Variants in KPNA3 observed in about 807,000 individuals in gnomAD.
The protein encoded by KPNA3 is karyopherin subunit alpha 3.
KPNA3 carries 13 observed loss-of-function variants against 73.8 expected under a neutral mutation model. That is an observed-to-expected ratio of 0.18 (90% CI 0.11 to 0.28). The LOEUF is 0.28. KPNA3 is among the 10% of genes least tolerant of loss of function. KPNA3 has a pLI of 1.00. For synonymous variants in KPNA3, 186 were observed against 206.9 expected, an observed-to-expected ratio of 0.90 and a Z score of 0.87; for missense variants, 360 against 618.1, an observed-to-expected ratio of 0.58 and a Z score of 4.43.
chr13:49,704,478 TAAATAGAA>T (rs1170053080), intron 15 of KPNA3, among the ~76,000 whole-genome samples: 82 of 88,810 alleles, frequency 9.2e-4, no homozygotes, highest in African/African-American at 4.2e-3. Flanking sequence ...AATAAATAAA[TAAATAGAA>T]AGAAAGAAAT....
chr13:49,766,935 A>C (rs561884326), intron 1 of KPNA3, among the ~76,000 whole-genome samples: 1 of 150,250 alleles, frequency 6.7e-6, no homozygotes, highest in African/African-American at 2.4e-5. Context: ...TCACTTTACA[A>C]ATAACTGAAA....
At chr13:49,730,782 A>C (rs1954460523) in intron 6 of KPNA3, among the ~76,000 whole-genome samples, 1 of 84,736 alleles carries the variant, frequency 1.2e-5, no homozygotes, top group Non-Finnish European at 2.0e-5. Context: ...CCCCCTATTT[A>C]TTCATTTATT....
rs777586412 is a variant in KPNA3 at position 49,706,367 on chromosome 13, T to G, written c.1038A>C (p.Ala346=). 1 of 1,612,954 alleles carries G rather than the reference T, an allele frequency of 6.2e-7. No individual in the cohort carries two copies. The highest frequency in any genetic ancestry group is 8.5e-7 in the Non-Finnish European group (1 of 1,179,102). ...SHPKEKINKE[A]VWFLSNITAG... The stretch of plus-strand genomic sequence containing the variant: ...CTGTTATGTTGGAAAGGAACCACAC[T>G]GCTTCCTATAATTGAACAAAATATA... Residue 346 remains alanine (A), a synonymous_variant, in exon 13 of 17, where the codon GCA becomes GCC. Transcript: ENST00000261667.
At position 49,746,944 on chromosome 13, in the gene KPNA3, C is replaced by T. The variant is rs760179736; in HGVS notation, c.114+5G>A. ...TACTTTTCTTTAAATGTAAATCAAC[C>T]TTACCTTCCGCAGTTCCACTGTCAC... On this transcript the variant is annotated splice_donor_5th_base_variant and intron_variant, in intron 2 of 16. Transcript: ENST00000261667. 2.5e-6 allele frequency: 4 copies of T among 1,602,388 alleles called. No individual in the cohort carries two copies. Among genetic ancestry groups the T allele is most frequent in the East Asian group, 2.2e-5 (1 of 44,840 alleles).
At chr13:49,706,813 A>C (rs1436884627) in intron 12 of KPNA3, among the ~76,000 whole-genome samples, 1 of 151,494 alleles carries the variant, frequency 6.6e-6, no homozygotes, top group Non-Finnish European at 1.5e-5. Context: ...CAGTGGCGTG[A>C]TCTCGGCTCA....
intron 6 of KPNA3, among the ~76,000 whole-genome samples, chr13:49,730,423 G>A (rs1291927693): frequency 6.8e-6 from 1 of 146,182 alleles, no homozygotes; most frequent in Non-Finnish European, 1.5e-5. Flanking sequence ...AAGAGGCTGA[G>A]GCATGAGAAT....
intron 15 of KPNA3, among the ~76,000 whole-genome samples, chr13:49,703,754 A>C (rs1954174553): frequency 2.0e-5 from 3 of 152,184 alleles, no homozygotes; most frequent in Admixed American, 6.5e-5. Context: ...CACATCATAT[A>C]CATGTTTATC....
At chr13:49,746,855 C>T in intron 2 of KPNA3, 94 bp downstream of exon 2, 2 of 869,682 alleles carry the variant, frequency 2.3e-6, no homozygotes, top group Non-Finnish European at 3.7e-6. Flanking sequence ...GGGATGACCA[C>T]TAATTTGCCA....
chr13:49,754,668 CAG>C (rs1396240944), intron 1 of KPNA3, among the ~76,000 whole-genome samples: 5 of 141,502 alleles, frequency 3.5e-5, no homozygotes, highest in African/African-American at 1.3e-4. Flanking sequence ...AGAGAAAATG[CAG>C]AGTTATAATA....
At chr13:49,714,852 C>T (rs1358944597) in intron 10 of KPNA3, among the ~76,000 whole-genome samples, 1 of 151,816 alleles carries the variant, frequency 6.6e-6, no homozygotes, top group East Asian at 1.9e-4. Flanking sequence ...AACTGCAAAC[C>T]AATATCACTT....
At chr13:49,772,164 C>T (rs1014892512) in intron 1 of KPNA3, among the ~76,000 whole-genome samples, 3 of 152,124 alleles carry the variant, frequency 2.0e-5, no homozygotes, top group Admixed American at 6.5e-5. Context: ...TATCTTTCAT[C>T]TTGTTTTCTT....
chr13:49,759,718 C>T (rs564756456), intron 1 of KPNA3, among the ~76,000 whole-genome samples: 6 of 152,166 alleles, frequency 3.9e-5, no homozygotes, highest in African/African-American at 7.2e-5. Flanking sequence ...AAGTGGAGCT[C>T]GGGTGGTAAT....
chr13:49,762,971 A>C (rs1042267938), intron 1 of KPNA3, among the ~76,000 whole-genome samples: 15 of 151,496 alleles, frequency 9.9e-5, no homozygotes, highest in Non-Finnish European at 1.8e-4. Context: ...CCTAAGAGGG[A>C]AGTCATAAAA....
intron 1 of KPNA3, among the ~76,000 whole-genome samples, chr13:49,777,866 A>C (rs1244371991): frequency 6.6e-6 from 1 of 152,102 alleles, no homozygotes; most frequent in Non-Finnish European, 1.5e-5. Flanking sequence ...GGAAACCTTT[A>C]TTCCAAAAAG....
rs560539851 is a variant in KPNA3 at position 49,732,412 on chromosome 13, C to T, written c.342G>A (p.Gly114=). 29 of 1,598,122 alleles carry T rather than the reference C, an allele frequency of 1.8e-5. No homozygotes were observed. Among genetic ancestry groups the T allele is most frequent in the Middle Eastern group, 1.7e-4 (1 of 6,004 alleles). ...GACATTTGACTAGAATTGGTAAAAT[C>T]CCAGATTTTATTAAGTCATCAATCG... The part of the protein sequence containing the change: ...NPPIDDLIKS[G]ILPILVKCLE... Residue 114 remains glycine (G), a synonymous_variant, in exon 6 of 17, where the codon GGG becomes GGA. Coordinates refer to ENST00000261667, the MANE Select transcript of KPNA3 (RefSeq NM_002267.4).
intron 1 of KPNA3, among the ~76,000 whole-genome samples, chr13:49,783,857 T>C (rs1371333132): frequency 1.3e-5 from 2 of 152,250 alleles, no homozygotes; most frequent in African/African-American, 2.4e-5. Context: ...ATCATTCTTA[T>C]TATCATTACT....
chr13:49,715,957 T>G (rs1440364303), intron 10 of KPNA3, among the ~76,000 whole-genome samples: 1 of 152,222 alleles, frequency 6.6e-6, no homozygotes, highest in Non-Finnish European at 1.5e-5. Context: ...AACAACATGA[T>G]GCCTTAAGAT....
At chr13:49,760,897 C>CA (rs1954753236) in intron 1 of KPNA3, among the ~76,000 whole-genome samples, 1 of 152,198 alleles carries the variant, frequency 6.6e-6, no homozygotes, top group Admixed American at 6.5e-5. Flanking sequence ...TTCTTGCTGT[C>CA]AGAACTCCAG....
intron 2 of KPNA3, among the ~76,000 whole-genome samples, chr13:49,737,559 GTC>G (rs1954534595): frequency 5.9e-5 from 5 of 84,300 alleles, no homozygotes; most frequent in African/African-American, 8.5e-5. Flanking sequence ...AAGTGTGTGT[GTC>G]TGTGTGTGTG....
Sources: allele counts gnomAD v4.1 joint callset (sites outside exome capture counted in the v4.1 genomes callset), GRCh38; gene constraint gnomAD v4.1.1; transcripts MANE v1.5; gene names NCBI Gene and HGNC (gene_info 2026-07-23, HGNC 2026-07-21).